RBFOX1: variants seen among roughly 807,000 people sequenced by gnomAD.
The protein encoded by RBFOX1 is RNA binding protein fox-1 homolog 1.
RBFOX1 carries 8 observed loss-of-function variants against 57.7 expected under a neutral mutation model. The observed-to-expected ratio is 0.14, with a 90% confidence interval of 0.08 to 0.25. RBFOX1 has a LOEUF of 0.25. RBFOX1 is among the 10% of genes least tolerant of loss of function. The pLI is 1.00. For missense variants in RBFOX1, 611 were observed against 548.5 expected (o/e 1.11, Z -1.14); for synonymous variants, 326 against 222.4 (o/e 1.47, Z -4.15).
intron 1 of RBFOX1, among the ~76,000 whole-genome samples, chr16:6,142,512 T>A (rs139174987): frequency 1.7e-4 from 26 of 151,946 alleles, no homozygotes; most frequent in Non-Finnish European, 3.5e-4. Flanking sequence ...TGAGCCACCA[T>A]GCCTGGCCAA....
At chr16:7,168,502 C>A (rs965413468) in intron 4 of RBFOX1, among the ~76,000 whole-genome samples, 1 of 152,054 alleles carries the variant, frequency 6.6e-6, no homozygotes, top group Non-Finnish European at 1.5e-5. Flanking sequence ...TTATAAGCAT[C>A]ATTTGGCTCA....
intron 2 of RBFOX1, among the ~76,000 whole-genome samples, chr16:6,440,253 G>T (rs2094348844): frequency 6.6e-6 from 1 of 152,088 alleles, no homozygotes; most frequent in Non-Finnish European, 1.5e-5. Context: ...TACATGTATT[G>T]ATGAGTAAGC....
rs547396863 is a variant in RBFOX1 at position 7,205,553 on chromosome 16, C to T, written c.27+153455C>T. ...AGAAAAAGAAAAAAAAGAAAACTTACGGAAATAAACATGAACCTTTCAGTA... is the reference window on the plus strand; with the variant it reads ...AGAAAAAGAAAAAAAAGAAAACTTATGGAAATAAACATGAACCTTTCAGTA... On this transcript the variant is annotated intron_variant, in intron 4 of 15. Transcript: ENST00000550418. 5.9e-5 allele frequency among the ~76,000 whole-genome samples: 9 copies of T among 151,564 alleles called. No homozygotes were observed. The South Asian group carries it at 6.3e-4, about 11-fold the overall frequency.
intron 4 of RBFOX1, among the ~76,000 whole-genome samples, chr16:5,978,688 TTG>T (rs1491203266): frequency 8.8e-5 from 13 of 147,992 alleles, no homozygotes; most frequent in African/African-American, 3.0e-4. Context: ...GTTTTTTTTT[TTG>T]TTGTTGTTGT....
At chr16:7,584,971 A>G (rs1299156357) in intron 6 of RBFOX1, among the ~76,000 whole-genome samples, 1 of 152,108 alleles carries the variant, frequency 6.6e-6, no homozygotes, top group East Asian at 1.9e-4. Flanking sequence ...TTGCTGTTTG[A>G]TTGGTTCTGT....
intron 3 of RBFOX1, among the ~76,000 whole-genome samples, chr16:6,803,528 T>A (rs956394822): frequency 1.3e-5 from 2 of 152,294 alleles, no homozygotes; most frequent in South Asian, 4.1e-4. Context: ...TTTCCAGATT[T>A]CCTAAATGGA....
intron 3 of RBFOX1, among the ~76,000 whole-genome samples, chr16:5,834,514 C>T (rs555987271): frequency 1.3e-5 from 2 of 152,068 alleles, no homozygotes; most frequent in East Asian, 3.9e-4. Context: ...TTGATGGGCA[C>T]TTGGTTTGTT....
At chr16:5,640,182 A>T (rs934370179) in intron 3 of RBFOX1, among the ~76,000 whole-genome samples, 1 of 152,208 alleles carries the variant, frequency 6.6e-6, no homozygotes, top group Non-Finnish European at 1.5e-5. Context: ...TGAGCAGGAC[A>T]GCATTGCTCT....
At chr16:6,939,857 T>C (rs1044045021) in intron 3 of RBFOX1, among the ~76,000 whole-genome samples, 4 of 152,218 alleles carry the variant, frequency 2.6e-5, no homozygotes, top group Non-Finnish European at 5.9e-5. Flanking sequence ...GGAAGATACA[T>C]GTCAAGGCTC....
At chr16:5,642,362 A>T (rs2048909124) in intron 3 of RBFOX1, among the ~76,000 whole-genome samples, 1 of 152,170 alleles carries the variant, frequency 6.6e-6, no homozygotes, top group Non-Finnish European at 1.5e-5. Flanking sequence ...CAAAATCCTT[A>T]ATTCCAGACC....
At chr16:7,575,745 T>A (rs71374954) in intron 5 of RBFOX1, among the ~76,000 whole-genome samples, 46,874 of 151,856 alleles carry the variant, frequency 0.31, 8,684 homozygotes, top group East Asian at 0.53. Context: ...CATAAAACGC[T>A]GGCTGGTTCT....
intron 3 of RBFOX1, among the ~76,000 whole-genome samples, chr16:5,769,300 G>A (rs551672720): frequency 1.3e-5 from 2 of 151,890 alleles, no homozygotes; most frequent in Non-Finnish European, 2.9e-5. Flanking sequence ...TAAAAATCAG[G>A]TCATTAGGGT....
intron 3 of RBFOX1, among the ~76,000 whole-genome samples, chr16:5,805,844 G>A (rs1478213247): frequency 6.6e-6 from 1 of 152,136 alleles, no homozygotes; most frequent in Admixed American, 6.5e-5. Flanking sequence ...GTTTTCCTTT[G>A]GCCAAACTCA....
chr16:7,388,175 G>A lies in RBFOX1; in HGVS notation c.28-129972G>A, dbSNP rs573180001. On this transcript the variant is annotated intron_variant, in intron 4 of 15. Transcript: ENST00000550418. ...GGAAACTGATCTCAGATTGCATGGA[G>A]CTAGAAAAGATTAAGCCTTTCCTTC... is the stretch of plus-strand genomic sequence containing the variant. Among the ~76,000 whole-genome samples, 9 of 152,204 alleles carry A rather than the reference G, an allele frequency of 5.9e-5. 1 individual carries two copies. The South Asian group carries it at 1.9e-3, about 32-fold the overall frequency.
At chr16:5,627,646 C>G (rs918045467) in intron 3 of RBFOX1, among the ~76,000 whole-genome samples, 1 of 152,112 alleles carries the variant, frequency 6.6e-6, no homozygotes, top group Non-Finnish European at 1.5e-5. Context: ...AGTAGAAGTA[C>G]AGTTGCCCCT....
intron 4 of RBFOX1, among the ~76,000 whole-genome samples, chr16:5,893,200 C>T (rs1158727368): frequency 6.6e-6 from 1 of 152,206 alleles, no homozygotes; most frequent in African/African-American, 2.4e-5. Flanking sequence ...GCTCCTCATC[C>T]TCACATAGCT....
chr16:7,344,101 C>CTTTT (rs61008217), intron 4 of RBFOX1, among the ~76,000 whole-genome samples: 19 of 90,610 alleles, frequency 2.1e-4, no homozygotes, highest in Admixed American at 7.7e-4. Flanking sequence ...CTCAGCTTTA[C>CTTTT]TTTTTTTTTT....
chr16:7,656,473 G>C (rs957106510), intron 12 of RBFOX1, among the ~76,000 whole-genome samples: 1 of 151,694 alleles, frequency 6.6e-6, no homozygotes, highest in Non-Finnish European at 1.5e-5. Flanking sequence ...TTGTGTTCAG[G>C]GAGAGCAAGA....
At chr16:5,756,042 G>A (rs1427211425) in intron 3 of RBFOX1, among the ~76,000 whole-genome samples, 2 of 152,064 alleles carry the variant, frequency 1.3e-5, no homozygotes, top group Non-Finnish European at 2.9e-5. Flanking sequence ...GGAAAGCCAT[G>A]AGAAATTCTT....
Sources: allele counts gnomAD v4.1 joint callset (sites outside exome capture counted in the v4.1 genomes callset), GRCh38; gene constraint gnomAD v4.1.1; transcripts MANE v1.5; gene names NCBI Gene and HGNC (gene_info 2026-07-23, HGNC 2026-07-21).